GSDMC: variants seen among roughly 807,000 people sequenced by gnomAD.
GSDMC encodes the protein gasdermin C.
GSDMC carries 59 observed loss-of-function variants against 58.0 expected under a neutral mutation model. The observed-to-expected ratio is 1.02, with a 90% CI of 0.82 to 1.26. GSDMC has a LOEUF of 1.26. Ranked by LOEUF, GSDMC falls within the 50% of genes most tolerant of loss-of-function variation. GSDMC has a pLI of 0.00. For synonymous variants in GSDMC, 241 were observed against 220.2 expected (o/e 1.09, Z -0.83); for missense variants, 659 against 598.5 (o/e 1.10, Z -1.06).
intron 3 of GSDMC, 131 bp from the exon 4 acceptor site, chr8:129,765,924 A>T: frequency 1.6e-6 from 1 of 642,124 alleles, no homozygotes; most frequent in Admixed American, 2.8e-5. Flanking sequence ...TAAGTCACCA[A>T]TGGGTGGTAG....
chr8:129,708,406 G>A, the GSDMC span, among the ~76,000 whole-genome samples: 1 of 152,226 alleles, frequency 6.6e-6, no homozygotes, highest in Non-Finnish European at 1.5e-5. Flanking sequence ...AATGGCAAAT[G>A]CGGCTCTGTC....
At chr8:129,776,926 TA>T (rs1330247856) in intron 2 of GSDMC, among the ~76,000 whole-genome samples, 27 of 91,570 alleles carry the variant, frequency 2.9e-4, no homozygotes, top group Admixed American at 5.2e-4. Flanking sequence ...CATGCCTGGA[TA>T]ATTTTTTTTT....
chr8:129,730,279 CA>C, the GSDMC span: 1 of 1,366,562 alleles, frequency 7.3e-7, no homozygotes, highest in African/African-American at 1.5e-5. Flanking sequence ...AAAATAAGAA[CA>C]TATAATTTTC....
chr8:129,734,206 A>G, the GSDMC span, among the ~76,000 whole-genome samples: 299 of 152,314 alleles, frequency 2.0e-3, 1 homozygote, highest in African/African-American at 6.6e-3. Context: ...TGATTGGTGT[A>G]CCTGAAAGTG....
At position 129,765,624 on chromosome 8, in the gene GSDMC, ATACC is replaced by A. The variant is rs1280409866; in HGVS notation, c.570_570+3del. On this transcript the variant is annotated splice_donor_variant and splice_donor_region_variant and coding_sequence_variant and intron_variant, in exon 4 of 14. Transcript: ENST00000276708. LOFTEE classifies it high-confidence loss of function. Reference sequence around the variant, plus strand: ...TTCAATCCCACTTCAGGACAACTTTATACCTTGCCATAGGTAATCCAAAGAGCAA... The same window carrying A: ...TTCAATCCCACTTCAGGACAACTTTATTGCCATAGGTAATCCAAAGAGCAA... 6.2e-7 allele frequency: 1 copy of A among 1,610,158 alleles called. No individual in the cohort carries two copies. The highest frequency in any genetic ancestry group is 8.5e-7 in the Non-Finnish European group (1 of 1,176,614).
intron 4 of GSDMC, among the ~76,000 whole-genome samples, chr8:129,764,053 T>C (rs1427613657): frequency 3.3e-5 from 5 of 152,232 alleles, no homozygotes; most frequent in Admixed American, 6.5e-5. Flanking sequence ...TATTCTTCCA[T>C]GAAAATAAAA....
chr8:129,755,027 G>A (rs1212374873), intron 6 of GSDMC, among the ~76,000 whole-genome samples: 2 of 152,102 alleles, frequency 1.3e-5, no homozygotes, highest in East Asian at 3.8e-4. Flanking sequence ...CACAGAGAAA[G>A]AGATAGGGTA....
intron 6 of GSDMC, among the ~76,000 whole-genome samples, chr8:129,755,531 A>G (rs1319197068): frequency 6.6e-6 from 1 of 152,196 alleles, no homozygotes. Flanking sequence ...ATCTAAAGAT[A>G]CAAAACTCAC....
the GSDMC span, among the ~76,000 whole-genome samples, chr8:129,727,533 G>A: frequency 2.0e-5 from 3 of 152,262 alleles, no homozygotes; most frequent in East Asian, 3.9e-4. Context: ...AAGACAGGCC[G>A]AGGGAGAGCA....
the GSDMC span, among the ~76,000 whole-genome samples, chr8:129,723,419 C>CTTTTTTTTTTTTT: frequency 7.5e-6 from 1 of 133,356 alleles, no homozygotes; most frequent in Non-Finnish European, 1.6e-5. Context: ...TTTTCTTCTC[C>CTTTTTTTTTTTTT]TTTTTTTTTT....
intron 3 of GSDMC, among the ~76,000 whole-genome samples, chr8:129,770,489 G>C (rs1327324074): frequency 2.6e-5 from 4 of 152,074 alleles, no homozygotes; most frequent in African/African-American, 4.8e-5. Context: ...GAGTAAGACT[G>C]TCTCAAAAAT....
At chr8:129,742,052 A>G in the GSDMC span, among the ~76,000 whole-genome samples, 1 of 151,796 alleles carries the variant, frequency 6.6e-6, no homozygotes, top group Non-Finnish European at 1.5e-5. Flanking sequence ...AAGGAAAAAT[A>G]CTGCATAATC....
chr8:129,714,909 G>A, the GSDMC span, among the ~76,000 whole-genome samples: 1 of 152,124 alleles, frequency 6.6e-6, no homozygotes, highest in Non-Finnish European at 1.5e-5. Flanking sequence ...TATGTACAAC[G>A]ATTGAAAGCA....
intron 10 of GSDMC, among the ~76,000 whole-genome samples, chr8:129,751,254 A>C (rs1181515699): frequency 1.3e-5 from 2 of 152,202 alleles, no homozygotes; most frequent in Non-Finnish European, 2.9e-5. Context: ...TGTCTCTCCC[A>C]GGAGACATCT....
downstream of GSDMC, among the ~76,000 whole-genome samples, chr8:129,744,739 T>C (rs146961625): frequency 6.8e-4 from 103 of 152,326 alleles, no homozygotes; most frequent in Non-Finnish European, 1.1e-3. Flanking sequence ...TCTTTAAGAA[T>C]GGTTTCTGGA....
At chr8:129,734,556 A>G in the GSDMC span, among the ~76,000 whole-genome samples, 1 of 152,194 alleles carries the variant, frequency 6.6e-6, no homozygotes, top group Admixed American at 6.5e-5. Context: ...TCAACCCAGA[A>G]TTTCATATCC....
At chr8:129,751,652 A>G in intron 9 of GSDMC, 84 bp from the exon 10 acceptor site, 1 of 1,296,330 alleles carries the variant, frequency 7.7e-7, no homozygotes, top group Non-Finnish European at 1.1e-6. Context: ...CTGCTCTCCT[A>G]CCACCTCCTC....
the GSDMC span, among the ~76,000 whole-genome samples, chr8:129,709,589 A>ATGAT: frequency 1.5e-5 from 2 of 131,126 alleles, no homozygotes; most frequent in African/African-American, 2.8e-5. Context: ...AGATAGATAG[A>ATGAT]TGATAGATAG....
chr8:129,717,960 G>T, the GSDMC span, among the ~76,000 whole-genome samples: 4 of 152,124 alleles, frequency 2.6e-5, no homozygotes, highest in Admixed American at 6.6e-5. Context: ...TGGGGAAACT[G>T]GCTAGCCATA....
Sources: allele counts gnomAD v4.1 joint callset (sites outside exome capture counted in the v4.1 genomes callset), GRCh38; gene constraint gnomAD v4.1.1; transcripts MANE v1.5; gene names NCBI Gene and HGNC (gene_info 2026-07-23, HGNC 2026-07-21).